Variants in MTMR3 observed in about 807,000 individuals in gnomAD.
MTMR3 encodes the protein phosphatidylinositol-3,5-bisphosphate 3-phosphatase MTMR3.
In MTMR3, 32 loss-of-function variants were observed where a neutral mutation model predicts 132.4. The ratio of observed to expected loss-of-function variants is 0.24; its 90% CI spans 0.18 to 0.32. The LOEUF (loss-of-function observed/expected upper bound fraction) is 0.32, where lower values mean the gene tolerates loss of function less well. Among genes scored for constraint, MTMR3 ranks in the 10% least tolerant of loss-of-function variants. The probability of loss-of-function intolerance (pLI) is 1.00; values close to 1 mark genes in which losing one functional copy is unlikely to be tolerated. For synonymous variants in MTMR3, 556 were observed against 550.3 expected, an observed-to-expected ratio of 1.01 and a Z score of -0.14; for missense variants, 1,216 against 1,489.6, an observed-to-expected ratio of 0.82 and a Z score of 3.02.
At chr22:29,913,977 CTT>C (rs752182730) in intron 1 of MTMR3, among the ~76,000 whole-genome samples, 1 of 152,056 alleles carries the variant, frequency 6.6e-6, no homozygotes, top group Non-Finnish European at 1.5e-5. Context: ...GGTCTGATCT[CTT>C]GAGCTCGTGA....
At chr22:29,942,383 G>A (rs1405208599) in intron 1 of MTMR3, among the ~76,000 whole-genome samples, 2 of 152,152 alleles carry the variant, frequency 1.3e-5, no homozygotes, top group South Asian at 2.1e-4. Flanking sequence ...TGGAGGCAGG[G>A]CGAGATCACA....
At chr22:30,019,228 A>C in intron 16 of MTMR3, 1 of 399,982 alleles carries the variant, frequency 2.5e-6, no homozygotes, top group Non-Finnish European at 4.5e-6. Flanking sequence ...AGAAAATAGC[A>C]CTTGCTGTTA....
chr22:29,954,382 G>A (rs1428891360), intron 1 of MTMR3, among the ~76,000 whole-genome samples: 1 of 151,954 alleles, frequency 6.6e-6, no homozygotes, highest in Non-Finnish European at 1.5e-5. Context: ...GAGCCACCAC[G>A]CCCTGTCTAC....
At chr22:29,925,124 C>T (rs189733315) in intron 1 of MTMR3, among the ~76,000 whole-genome samples, 1 of 152,282 alleles carries the variant, frequency 6.6e-6, no homozygotes, top group African/African-American at 2.4e-5. Context: ...CTGGCTCCTC[C>T]GAGGCTCAGG....
chr22:29,951,963 C>T (rs1298850459), intron 1 of MTMR3, among the ~76,000 whole-genome samples: 1 of 146,400 alleles, frequency 6.8e-6, no homozygotes, highest in African/African-American at 2.5e-5. Context: ...GATCATGGCT[C>T]ACTGCAACCT....
At chr22:29,892,417 C>T (rs2064818232) in intron 1 of MTMR3, among the ~76,000 whole-genome samples, 1 of 152,078 alleles carries the variant, frequency 6.6e-6, no homozygotes, top group Non-Finnish European at 1.5e-5. Context: ...AGAGTTAGGT[C>T]CTAGAGACTG....
chr22:29,896,110 G>C (rs909812316), intron 1 of MTMR3, among the ~76,000 whole-genome samples: 2 of 152,162 alleles, frequency 1.3e-5, no homozygotes, highest in Non-Finnish European at 2.9e-5. Context: ...AGGAGTTCAA[G>C]ACCAGCCTGG....
At chr22:30,001,801 A>G (rs1443824829) in intron 8 of MTMR3, 1 of 152,216 alleles carries the variant, frequency 6.6e-6, no homozygotes, top group African/African-American at 2.4e-5. Flanking sequence ...GGAAGTTTGT[A>G]TAGCTACTCT....
At chr22:30,017,796 C>G in intron 15 of MTMR3, 131 bp from the exon 16 acceptor site, 1 of 1,144,556 alleles carries the variant, frequency 8.7e-7, no homozygotes, top group Non-Finnish European at 1.3e-6. Flanking sequence ...TCCATTGGTG[C>G]TGCTTCTTTG....
At chr22:29,920,692 A>G (rs368281400) in intron 1 of MTMR3, among the ~76,000 whole-genome samples, 1 of 152,128 alleles carries the variant, frequency 6.6e-6, no homozygotes, top group East Asian at 1.9e-4. Flanking sequence ...AACTTTATGT[A>G]TAAGTAATTC....
intron 1 of MTMR3, among the ~76,000 whole-genome samples, chr22:29,897,437 A>G (rs1045453194): frequency 2.0e-5 from 3 of 151,720 alleles, no homozygotes; most frequent in African/African-American, 4.8e-5. Flanking sequence ...GTATTTAAGT[A>G]TGTTTTTATT....
chr22:29,891,809 A>T (rs111583268), intron 1 of MTMR3, among the ~76,000 whole-genome samples: 1 of 152,012 alleles, frequency 6.6e-6, no homozygotes, highest in African/African-American at 2.4e-5. Context: ...GTTTTTGGGC[A>T]TTTCACTAGT....
chr22:30,016,642 C>G lies in MTMR3; in HGVS notation c.1618C>G (p.Leu540Val). ...QERTCSVWSL[L>V]RAGNKAFKNL... ...ACGGACATGTTCCGTGTGGTCACTT[C>G]TTCGGGCAGGCAACAAGGCTTTCAA... The change falls in exon 15 of 20, where the codon CTT becomes GTT. Residue 540 changes from leucine to valine, a missense_variant. By Grantham distance (32) the Leu-to-Val change is conservative. Around this residue, in one of 7 missense-constraint regions of MTMR3, gnomAD observed 852 missense variants for 852.0 expected, o/e 1.00. Transcript: ENST00000401950. 1 of 1,614,174 alleles carries G rather than the reference C, an allele frequency of 6.2e-7. No homozygotes were observed. The highest frequency in any genetic ancestry group is 8.5e-7 in the Non-Finnish European group (1 of 1,180,024).
intron 19 of MTMR3, chr22:30,024,714 C>T (rs1426867232): frequency 6.6e-6 from 1 of 152,172 alleles, no homozygotes; most frequent in Non-Finnish European, 1.5e-5. Context: ...TTCTTAGGCT[C>T]ATTAGGATTG....
At chr22:29,922,656 C>T (rs1337937640) in intron 1 of MTMR3, among the ~76,000 whole-genome samples, 2 of 152,076 alleles carry the variant, frequency 1.3e-5, no homozygotes, top group African/African-American at 2.4e-5. Context: ...GCTTTTACTC[C>T]TTTTGGGTAT....
chr22:29,938,551 TTAGAG>T (rs1853096245), intron 1 of MTMR3, among the ~76,000 whole-genome samples: 1 of 152,232 alleles, frequency 6.6e-6, no homozygotes, highest in African/African-American at 2.4e-5. Context: ...TTCTTGGTCA[TTAGAG>T]TAAAGTATAT....
Position 29,908,950 on chromosome 22 carries a change from G to T in MTMR3, c.-138+25591G>T, listed in dbSNP as rs140866332. ...GTTAAGAGTGCTTTTATTTATTTAA[G>T]AAATATGTTAATTTTTCTTTTCTTT... On this transcript the variant is annotated intron_variant, in intron 1 of 19. Coordinates refer to ENST00000401950, the MANE Select transcript of MTMR3 (RefSeq NM_021090.4). Among the ~76,000 whole-genome samples, 804 of 149,410 alleles carry T rather than the reference G, an allele frequency of 5.4e-3. 2 individuals carry two copies. The highest frequency in any genetic ancestry group is 0.017 in the African/African-American group (675 of 39,908).
chr22:29,916,980 C>T (rs2065321483), intron 1 of MTMR3, among the ~76,000 whole-genome samples: 2 of 152,176 alleles, frequency 1.3e-5, no homozygotes, highest in African/African-American at 2.4e-5. Flanking sequence ...TACAATGTCA[C>T]TAATTATGGA....
intron 1 of MTMR3, among the ~76,000 whole-genome samples, chr22:29,888,823 G>GAGTGC (rs1192621840): frequency 2.1e-5 from 3 of 145,900 alleles, no homozygotes; most frequent in African/African-American, 7.6e-5. Flanking sequence ...GCCCAGGCTG[G>GAGTGC]AGTGCAGTGG....
Sources: gnomAD v4.1 joint callset for allele counts (sites outside exome capture counted in the v4.1 genomes callset) on GRCh38, gnomAD v4.1.1 for gene constraint, gnomAD v4.1.1 regional missense constraint, MANE v1.5 for transcripts, NCBI Gene and HGNC (gene_info 2026-07-23, HGNC 2026-07-21) for gene names.